CLSTN2: variants seen among roughly 807,000 people sequenced by gnomAD.
The protein encoded by CLSTN2 is calsyntenin 2.
CLSTN2 carries 48 observed loss-of-function variants against 101.2 expected under a neutral mutation model. The ratio of observed to expected loss-of-function variants is 0.47; its 90% CI spans 0.38 to 0.60. The LOEUF is 0.60. Ranked by LOEUF, CLSTN2 falls within the 20% of genes least tolerant of loss-of-function variation. The probability of loss-of-function intolerance (pLI) is 0.00; values close to 1 mark genes in which losing one functional copy is unlikely to be tolerated. For missense variants in CLSTN2, 1,160 were observed against 1,238.2 expected (o/e 0.94, Z 0.95); for synonymous variants, 481 against 463.6 (o/e 1.04, Z -0.48).
chr3:140,130,728 C>T (rs1336161238), intron 1 of CLSTN2, among the ~76,000 whole-genome samples: 2 of 152,120 alleles, frequency 1.3e-5, no homozygotes, highest in African/African-American at 4.8e-5. Flanking sequence ...CCTGAAGGGT[C>T]CTGGAGGCCT....
chr3:140,365,166 A>G (rs182731102), intron 2 of CLSTN2, among the ~76,000 whole-genome samples: 266 of 152,280 alleles, frequency 1.7e-3, no homozygotes, highest in Middle Eastern at 3.4e-3. Context: ...TAGGCTAGGG[A>G]GAGCAAGGAA....
intron 8 of CLSTN2, among the ~76,000 whole-genome samples, chr3:140,490,642 T>G (rs948007691): frequency 1.3e-5 from 2 of 151,418 alleles, no homozygotes; most frequent in Non-Finnish European, 2.9e-5. Context: ...GGGACTATGT[T>G]CTGGAGAGGC....
At chr3:140,110,192 TA>T (rs1171146552) in intron 1 of CLSTN2, among the ~76,000 whole-genome samples, 1 of 152,224 alleles carries the variant, frequency 6.6e-6, no homozygotes, top group African/African-American at 2.4e-5. Flanking sequence ...ACATATTATT[TA>T]GATGACTCAG....
chr3:140,411,227 G>C (rs889865235), intron 4 of CLSTN2, among the ~76,000 whole-genome samples: 5 of 152,106 alleles, frequency 3.3e-5, no homozygotes, highest in African/African-American at 1.2e-4. Flanking sequence ...GTGAAGGTAC[G>C]ATAAAAGATT....
chr3:140,281,744 A>G (rs2086849084), intron 2 of CLSTN2, among the ~76,000 whole-genome samples: 1 of 106,154 alleles, frequency 9.4e-6, no homozygotes, highest in South Asian at 3.9e-4. Context: ...AATTAATAAT[A>G]AAACTGTCAG....
rs150761630 is a variant in CLSTN2, at chr3:139,943,907, C to A, written c.109+8424C>A. Among the ~76,000 whole-genome samples, 114 of 152,314 alleles carry A rather than the reference C, an allele frequency of 7.5e-4. 1 individual carries two copies. The East Asian group carries it at 0.021, about 29-fold the overall frequency. On this transcript the variant is annotated intron_variant, in intron 1 of 16. Coordinates refer to ENST00000458420, the MANE Select transcript of CLSTN2 (RefSeq NM_022131.3). ...CAAACCTCCTTCTTAGAACAGGCAG[C>A]CATACCCCTTCTGATAAACCTGTCC...
chr3:140,132,128 C>A (rs1321339608), intron 1 of CLSTN2, among the ~76,000 whole-genome samples: 1 of 152,098 alleles, frequency 6.6e-6, no homozygotes, highest in African/African-American at 2.4e-5. Flanking sequence ...TGATACATAT[C>A]GCTATTCTGC....
chr3:140,088,790 C>T (rs2008720989), intron 1 of CLSTN2, among the ~76,000 whole-genome samples: 1 of 152,204 alleles, frequency 6.6e-6, no homozygotes, highest in South Asian at 2.1e-4. Flanking sequence ...GAGGCCTTCA[C>T]AGCTTGCAGT....
intron 1 of CLSTN2, among the ~76,000 whole-genome samples, chr3:139,961,376 T>C (rs898790629): frequency 6.6e-6 from 1 of 152,108 alleles, no homozygotes; most frequent in Admixed American, 6.6e-5. Flanking sequence ...TTTTCCTAGG[T>C]ATTGTGGCAA....
chr3:140,104,970 C>CT (rs2009030286), intron 1 of CLSTN2, among the ~76,000 whole-genome samples: 1 of 145,394 alleles, frequency 6.9e-6, no homozygotes, highest in Admixed American at 7.0e-5. Context: ...AGAACCAAGA[C>CT]TTTGTCTCAA....
At chr3:140,127,742 C>A (rs2009458516) in intron 1 of CLSTN2, among the ~76,000 whole-genome samples, 1 of 152,012 alleles carries the variant, frequency 6.6e-6, no homozygotes, top group Non-Finnish European at 1.5e-5. Context: ...ATAGGACTGG[C>A]CTCATGGGGT....
At chr3:140,307,791 G>A (rs548192479) in intron 2 of CLSTN2, among the ~76,000 whole-genome samples, 2 of 152,294 alleles carry the variant, frequency 1.3e-5, no homozygotes, top group Admixed American at 1.3e-4. Flanking sequence ...ATTCATGTGA[G>A]CAGAGGAGTC....
chr3:140,320,320 G>A (rs1255128654), intron 2 of CLSTN2, among the ~76,000 whole-genome samples: 1 of 152,182 alleles, frequency 6.6e-6, no homozygotes, highest in Non-Finnish European at 1.5e-5. Context: ...CTGGGTCAAG[G>A]AAAGTTAGGA....
intron 8 of CLSTN2, among the ~76,000 whole-genome samples, chr3:140,504,239 C>T (rs1419596377): frequency 6.6e-6 from 1 of 152,056 alleles, no homozygotes; most frequent in East Asian, 1.9e-4. Flanking sequence ...GTTTATGGAC[C>T]TTTTCATGAG....
At chr3:140,276,932 G>A (rs531396999) in intron 2 of CLSTN2, among the ~76,000 whole-genome samples, 7 of 152,280 alleles carry the variant, frequency 4.6e-5, no homozygotes, top group Admixed American at 2.0e-4. Flanking sequence ...GGAGAGGCAG[G>A]CCCTTGAGGT....
At chr3:140,466,863 G>A in intron 8 of CLSTN2, 132 bp downstream of exon 8, 1 of 1,175,756 alleles carries the variant, frequency 8.5e-7, no homozygotes, top group Non-Finnish European at 1.2e-6. Flanking sequence ...AATCAGCTTA[G>A]GGAGACACAC....
chr3:140,242,451 T>G (rs2086478329), intron 2 of CLSTN2, among the ~76,000 whole-genome samples: 1 of 152,174 alleles, frequency 6.6e-6, no homozygotes, highest in African/African-American at 2.4e-5. Context: ...ATTTTTTTAC[T>G]TAAAGAGCCA....
intron 8 of CLSTN2, among the ~76,000 whole-genome samples, chr3:140,498,606 T>A (rs1488479909): frequency 6.6e-6 from 1 of 152,242 alleles, no homozygotes; most frequent in Non-Finnish European, 1.5e-5. Flanking sequence ...CATATGCAGT[T>A]TTGGTGGGTC....
At chr3:140,003,288 G>A (rs1198716294) in intron 1 of CLSTN2, among the ~76,000 whole-genome samples, 3 of 151,758 alleles carry the variant, frequency 2.0e-5, no homozygotes, top group Non-Finnish European at 4.4e-5. Flanking sequence ...TAATTCCTAG[G>A]TATTTAAATT....
Sources: allele counts gnomAD v4.1 joint callset (sites outside exome capture counted in the v4.1 genomes callset), GRCh38; gene constraint gnomAD v4.1.1; transcripts MANE v1.5; gene names NCBI Gene and HGNC (gene_info 2026-07-23, HGNC 2026-07-21).